ZFYVE1: variants seen among roughly 807,000 people sequenced by gnomAD.
ZFYVE1 encodes zinc finger FYVE-type containing 1, also known as zinc finger FYVE domain-containing protein 1.
Under a neutral mutation model 74.4 loss-of-function variants are expected in ZFYVE1, and 30 were observed. The ratio of observed to expected loss-of-function variants is 0.40; its 90% CI spans 0.30 to 0.55. The LOEUF (loss-of-function observed/expected upper bound fraction) is 0.55. Ranked by LOEUF, ZFYVE1 falls within the 20% of genes least tolerant of loss-of-function variation. The pLI is 0.42. For missense variants in ZFYVE1, 703 were observed against 1,011.6 expected (o/e 0.69, Z 4.14); for synonymous variants, 335 against 385.1 (o/e 0.87, Z 1.52).
At position 72,975,837 on chromosome 14, in the gene ZFYVE1, C is replaced by T; in HGVS notation, c.1636-116G>A. ...TGGCCAACTCAGAACCACTAACTCC[C>T]TGGCAGGGAAGAACGGAGACACACC... On this transcript the variant is annotated intron_variant, in intron 8 of 11. Transcript: ENST00000556143. This position sits in a 1 kb window ranked among gnomAD's most constrained non-coding sequence, Gnocchi z 4.1. 2.4e-6 allele frequency: 3 copies of T among 1,229,212 alleles called. No individual in the cohort carries two copies. The highest frequency in any genetic ancestry group is 3.4e-6 in the Non-Finnish European group (3 of 877,102). The allele number at this position is 1,229,212 out of a possible 1,614,324, so 76.1% of individuals were successfully genotyped here.
chr14:73,005,882 ACT>A (rs998662216), intron 2 of ZFYVE1, among the ~76,000 whole-genome samples: 3 of 152,016 alleles, frequency 2.0e-5, no homozygotes, highest in Non-Finnish European at 4.4e-5. Flanking sequence ...GAAAGAGCTC[ACT>A]GCTTGCATCA....
At chr14:72,972,941 G>A (rs1419916231) in intron 11 of ZFYVE1, among the ~76,000 whole-genome samples, 6 of 152,078 alleles carry the variant, frequency 3.9e-5, no homozygotes, top group African/African-American at 1.2e-4. Context: ...TCTTGACTTC[G>A]TGATCCACCT....
intron 5 of ZFYVE1, among the ~76,000 whole-genome samples, chr14:72,979,767 T>C (rs1020871005): frequency 2.0e-5 from 3 of 151,456 alleles, no homozygotes; most frequent in African/African-American, 7.3e-5. Flanking sequence ...AACCTGAACG[T>C]CTCTCAGAAG....
chr14:73,003,168 C>A (rs1893911655), intron 2 of ZFYVE1, among the ~76,000 whole-genome samples: 1 of 150,542 alleles, frequency 6.6e-6, no homozygotes. Flanking sequence ...CATTCTCCTG[C>A]CTCAGCCTCC....
chr14:72,987,755 T>C (rs1191626840), intron 4 of ZFYVE1, among the ~76,000 whole-genome samples: 1 of 152,194 alleles, frequency 6.6e-6, no homozygotes, highest in Non-Finnish European at 1.5e-5. Context: ...TCAGTGCAGG[T>C]ATGCGCTGCT....
At chr14:72,996,895 T>C (rs1594849168) in intron 3 of ZFYVE1, among the ~76,000 whole-genome samples, 1 of 152,186 alleles carries the variant, frequency 6.6e-6, no homozygotes, top group Admixed American at 6.5e-5. Flanking sequence ...CAAGTGAAGA[T>C]TGCAATTGTT....
rs1893138121 is a variant in ZFYVE1 at position 72,975,272 on chromosome 14, G to A, written c.1806+279C>T. ...CCCCTTTTCCTCCAGATTCTTATCT[G>A]GGTCCTCACATATCTAAGCAATATT... On this transcript the variant is annotated intron_variant, in intron 9 of 11. Coordinates refer to ENST00000556143, the MANE Select transcript of ZFYVE1 (RefSeq NM_021260.4). The surrounding 1 kb of genome is among the most constrained non-coding windows in gnomAD (Gnocchi z 4.1). 2 of 509,516 alleles carry A rather than the reference G, an allele frequency of 3.9e-6. No homozygotes were observed. The highest frequency in any genetic ancestry group is 6.8e-6 in the Non-Finnish European group (2 of 292,242). The allele number at this position is 509,516 out of a possible 1,614,324, so 31.6% of individuals were successfully genotyped here.
At chr14:72,996,337 G>C (rs900872495) in intron 3 of ZFYVE1, among the ~76,000 whole-genome samples, 4 of 152,184 alleles carry the variant, frequency 2.6e-5, no homozygotes, top group Non-Finnish European at 5.9e-5. Context: ...AGAATGCATT[G>C]AAGGGAGTTA....
At chr14:73,015,282 AAGGAAGGAAGGAAAGAAGGG>A (rs1248216273) in intron 2 of ZFYVE1, among the ~76,000 whole-genome samples, 63 of 71,968 alleles carry the variant, frequency 8.8e-4, no homozygotes, top group African/African-American at 5.1e-3. Flanking sequence ...GGAAGGAAGG[AAGGAAGGAAGGAAAGAAGGG>A]AGGGAGGGAG....
At chr14:73,002,349 T>C (rs144904219) in intron 2 of ZFYVE1, among the ~76,000 whole-genome samples, 146 of 152,348 alleles carry the variant, frequency 9.6e-4, no homozygotes, top group African/African-American at 1.2e-3. Context: ...GTAAGGACTG[T>C]ACAACTTTAT....
Position 72,997,913 on chromosome 14 carries a change from T to C in ZFYVE1, c.886A>G (p.Lys296Glu). 4 of 1,614,140 alleles carry C rather than the reference T, an allele frequency of 2.5e-6. No individual in the cohort carries two copies. The highest frequency in any genetic ancestry group is 2.5e-6 in the Non-Finnish European group (3 of 1,180,000). Residue 296 changes from lysine to glutamate, a missense_variant, in exon 3 of 12, where the codon AAG becomes GAG. Lys to Glu is a moderately conservative substitution (Grantham distance 56). Around this residue, in one of 2 missense-constraint regions of ZFYVE1, gnomAD observed 492 missense variants for 790.0 expected, o/e 0.62. Transcript: ENST00000556143. ...AYLKHFTKEL[K>E]ATTARCGLDV... ...AGGCCACAGCGAGCAGTGGTGGCCT[T>C]GAGCTCCTTGGTGAAGTGCTTCAGA...
chr14:73,002,294 G>A (rs1399985461), intron 2 of ZFYVE1, among the ~76,000 whole-genome samples: 5 of 152,112 alleles, frequency 3.3e-5, no homozygotes, highest in Non-Finnish European at 7.3e-5. Context: ...TGCTAAAGCT[G>A]GGTTTCTATT....
chr14:72,990,940 C>T (rs376341191), intron 4 of ZFYVE1, among the ~76,000 whole-genome samples: 121 of 151,978 alleles, frequency 8.0e-4, no homozygotes, highest in African/African-American at 6.8e-4. Context: ...CCTCACGTGA[C>T]CTGCCCACCT....
Position 72,996,209 on chromosome 14 carries a change from C to T in ZFYVE1, c.988+1602G>A, listed in dbSNP as rs139239460. On this transcript the variant is annotated intron_variant, in intron 3 of 11. Transcript: ENST00000556143. ...GGTAGGAGTTAAAGTGATGGCACTA[C>T]ATTTAGGAGTTTGGATTTTGATGTA... Among the ~76,000 whole-genome samples the T allele has an allele frequency of 2.1e-4, 32 of 152,112 alleles. No individual in the cohort carries two copies. The East Asian group carries it at 5.8e-3, about 28-fold the overall frequency.
chr14:73,002,748 T>C (rs1037448477), intron 2 of ZFYVE1, among the ~76,000 whole-genome samples: 7 of 150,414 alleles, frequency 4.7e-5, no homozygotes, highest in African/African-American at 1.5e-4. Flanking sequence ...TTTCTTTTTT[T>C]TTTTTTTTTC....
At chr14:73,023,388 T>TTTATATATAATATATATATTTTA (rs1894383109) in intron 2 of ZFYVE1, among the ~76,000 whole-genome samples, 3 of 80,038 alleles carry the variant, frequency 3.7e-5, no homozygotes, top group South Asian at 3.1e-4. Context: ...TATATATATT[T>TTTATATATAATATATATATTTTA]TATGTGTTTT....
intron 1 of ZFYVE1, 72 bp from the exon 2 acceptor site, chr14:73,025,014 G>A (rs867164777): frequency 6.6e-6 from 1 of 151,636 alleles, no homozygotes; most frequent in Non-Finnish European, 1.5e-5. Context: ...AATTTTTTTT[G>A]ACTAAATTAA....
At chr14:72,984,504 G>A (rs1893427963) in intron 4 of ZFYVE1, among the ~76,000 whole-genome samples, 1 of 151,944 alleles carries the variant, frequency 6.6e-6, no homozygotes. Context: ...ACTCCAGCCT[G>A]GGTGACAGGG....
At chr14:73,005,681 A>C (rs1366751276) in intron 2 of ZFYVE1, among the ~76,000 whole-genome samples, 1 of 152,196 alleles carries the variant, frequency 6.6e-6, no homozygotes, top group East Asian at 1.9e-4. Flanking sequence ...TAAAAGAGAT[A>C]AAGTATGTAA....
Sources: allele counts gnomAD v4.1 joint callset (sites outside exome capture counted in the v4.1 genomes callset), GRCh38; gene constraint gnomAD v4.1.1; regional missense constraint gnomAD v4.1.1; non-coding constraint Gnocchi (gnomAD v3.1); transcripts MANE v1.5; gene names NCBI Gene and HGNC (gene_info 2026-07-23, HGNC 2026-07-21).